NBAS: variants seen among roughly 807,000 people sequenced by gnomAD.
NBAS encodes the protein NBAS subunit of NRZ tethering complex, also known as NAG/BC035112 fusion.
In NBAS, 219 loss-of-function variants were observed where a neutral mutation model predicts 302.5. That is an observed-to-expected ratio of 0.72 (90% CI 0.65 to 0.81). The LOEUF is 0.81. Ranked by LOEUF, NBAS falls within the 30% of genes least tolerant of loss-of-function variation. The pLI, the probability that NBAS is intolerant of heterozygous loss-of-function variation, is 0.00. For synonymous variants in NBAS, 1,118 were observed against 1,021.6 expected, an observed-to-expected ratio of 1.09 and a Z score of -1.80; for missense variants, 2,932 against 2,841.6, an observed-to-expected ratio of 1.03 and a Z score of -0.72.
chr2:15,463,788 C>CACAAAAAAAAAAAAA lies in NBAS; in HGVS notation c.2098-1998_2098-1997insTTTTTTTTTTTTTGT, dbSNP rs1679606863. 3.3e-5 allele frequency among the ~76,000 whole-genome samples: 3 copies of CACAAAAAAAAAAAAA among 91,650 alleles called. No individual in the cohort carries two copies. In the South Asian group the frequency reaches 1.3e-3, roughly 40 times the overall value. 60.1% of individuals were successfully genotyped at this position (91,650 alleles called of 152,430 possible). A position where few individuals can be genotyped will look rare whatever the true frequency, so the allele number is the denominator to read the frequency against. On this transcript the variant is annotated intron_variant, in intron 19 of 51. Transcript: ENST00000281513. ...AATCCTCATTCAAATGAACCAAATGCAAAAAAAAAAAAAAAAAGCACCAGG... is the reference window on the plus strand; with the variant it reads ...AATCCTCATTCAAATGAACCAAATGCACAAAAAAAAAAAAAAAAAAAAAAAAAAAAAAGCACCAGG...
At chr2:15,153,159 T>C in the NBAS span, among the ~76,000 whole-genome samples, 3 of 152,200 alleles carry the variant, frequency 2.0e-5, no homozygotes, top group East Asian at 1.9e-4. Context: ...CCCAGTTAGC[T>C]TGATGTCAAA....
chr2:15,417,403 C>T (rs1233088990), intron 24 of NBAS, 124 bp downstream of exon 24: 10 of 844,232 alleles, frequency 1.2e-5, no homozygotes, highest in Non-Finnish European at 1.8e-5. Context: ...TGAAAAAAGT[C>T]AATCTTTATT....
chr2:15,372,506 A>G (rs1333524279), intron 31 of NBAS, among the ~76,000 whole-genome samples: 1 of 152,236 alleles, frequency 6.6e-6, no homozygotes, highest in Non-Finnish European at 1.5e-5. Flanking sequence ...AAATTTCTAA[A>G]TATCTAGTTG....
the NBAS span, among the ~76,000 whole-genome samples, chr2:15,002,870 T>G: frequency 6.6e-6 from 1 of 152,226 alleles, no homozygotes; most frequent in Non-Finnish European, 1.5e-5. Context: ...GAACTCCAGC[T>G]GGCCCACAAG....
the NBAS span, among the ~76,000 whole-genome samples, chr2:14,797,114 A>G: frequency 7.4e-6 from 1 of 135,136 alleles, no homozygotes; most frequent in Non-Finnish European, 1.6e-5. Context: ...AAAAAAAAAA[A>G]CCAAAAACAG....
chr2:15,197,167 A>C, intron 48 of NBAS, among the ~76,000 whole-genome samples: 1 of 152,212 alleles, frequency 6.6e-6, no homozygotes, highest in Admixed American at 6.5e-5. Flanking sequence ...AATGCTATAT[A>C]TAAGAGCCGT....
the NBAS span, among the ~76,000 whole-genome samples, chr2:14,976,873 C>G: frequency 6.6e-6 from 1 of 152,322 alleles, no homozygotes; most frequent in East Asian, 1.9e-4. Context: ...GAAGGATTCT[C>G]CCCTAGAGTC....
intron 9 of NBAS, among the ~76,000 whole-genome samples, chr2:15,523,294 C>T (rs940398157): frequency 5.3e-5 from 8 of 152,240 alleles, no homozygotes; most frequent in African/African-American, 1.9e-4. Flanking sequence ...ATGGGTTCTG[C>T]ACACGTGGAT....
At chr2:14,859,901 A>C in the NBAS span, among the ~76,000 whole-genome samples, 1 of 152,158 alleles carries the variant, frequency 6.6e-6, no homozygotes, top group African/African-American at 2.4e-5. Flanking sequence ...CATAACCCAC[A>C]GAATGTGAGA....
At chr2:15,271,136 G>A (rs1411477469) in intron 44 of NBAS, among the ~76,000 whole-genome samples, 1 of 152,070 alleles carries the variant, frequency 6.6e-6, no homozygotes, top group African/African-American at 2.4e-5. Context: ...TATGCCAACA[G>A]GCTGAATAAT....
At chr2:15,285,593 C>A (rs961062412) in intron 42 of NBAS, among the ~76,000 whole-genome samples, 1 of 152,218 alleles carries the variant, frequency 6.6e-6, no homozygotes, top group Non-Finnish European at 1.5e-5. Flanking sequence ...GATCCAACTG[C>A]AGACTTGGCC....
At chr2:15,158,306 G>A in the NBAS span, among the ~76,000 whole-genome samples, 5 of 152,320 alleles carry the variant, frequency 3.3e-5, no homozygotes, top group Non-Finnish European at 5.9e-5. Flanking sequence ...ACAAGGCCAC[G>A]GGGTTGGGGT....
At chr2:14,847,382 T>TAAAAAA in the NBAS span, among the ~76,000 whole-genome samples, 2 of 53,168 alleles carry the variant, frequency 3.8e-5, no homozygotes, top group Non-Finnish European at 7.0e-5. Context: ...GACTCTATCT[T>TAAAAAA]AAAAAAAAAA....
At chr2:14,911,784 A>G in the NBAS span, among the ~76,000 whole-genome samples, 1 of 152,170 alleles carries the variant, frequency 6.6e-6, no homozygotes, top group Admixed American at 6.5e-5. Context: ...GTAGCATCCT[A>G]CCTGTGTGTC....
At chr2:15,514,195 G>C (rs775580722) in intron 9 of NBAS, among the ~76,000 whole-genome samples, 106 of 152,282 alleles carry the variant, frequency 7.0e-4, no homozygotes, top group Non-Finnish European at 2.5e-4. Context: ...TAGGGAAATG[G>C]CTGGGTATAC....
the NBAS span, among the ~76,000 whole-genome samples, chr2:14,993,377 G>A: frequency 6.6e-6 from 1 of 152,158 alleles, no homozygotes; most frequent in African/African-American, 2.4e-5. Context: ...GGACAGAGGA[G>A]CAAAACCTGC....
chr2:15,078,466 T>A, the NBAS span, among the ~76,000 whole-genome samples: 1 of 152,240 alleles, frequency 6.6e-6, no homozygotes, highest in South Asian at 2.1e-4. Context: ...GTCACTTTAA[T>A]CTTTTTCAAC....
At chr2:14,843,581 CA>C in the NBAS span, among the ~76,000 whole-genome samples, 12 of 150,374 alleles carry the variant, frequency 8.0e-5, no homozygotes, top group South Asian at 2.1e-4. Flanking sequence ...CACACACACA[CA>C]AAAATACCTT....
At chr2:14,877,609 T>C in the NBAS span, among the ~76,000 whole-genome samples, 1 of 152,282 alleles carries the variant, frequency 6.6e-6, no homozygotes, top group Admixed American at 6.5e-5. Flanking sequence ...TCTTTAGGCC[T>C]GGGGAGTTAG....
Sources: gnomAD v4.1 joint callset for allele counts (sites outside exome capture counted in the v4.1 genomes callset) on GRCh38, gnomAD v4.1.1 for gene constraint, MANE v1.5 for transcripts, NCBI Gene and HGNC (gene_info 2026-07-23, HGNC 2026-07-21) for gene names.